VPS13B: variants seen among roughly 807,000 people sequenced by gnomAD.
VPS13B encodes intermembrane lipid transfer protein VPS13B.
Under a neutral mutation model 426.4 loss-of-function variants are expected in VPS13B, and 285 were observed. That is an observed-to-expected ratio of 0.67 (90% CI 0.61 to 0.74). VPS13B has a LOEUF of 0.74. VPS13B is among the 30% of genes least tolerant of loss of function. The probability of loss-of-function intolerance (pLI) is 0.00; values close to 1 mark genes in which losing one functional copy is unlikely to be tolerated. For missense variants in VPS13B, 4,537 were observed against 4,782.6 expected, an observed-to-expected ratio of 0.95 and a Z score of 1.51; for synonymous variants, 1,676 against 1,676.4, an observed-to-expected ratio of 1.00 and a Z score of 0.01.
chr8:99,530,903 T>G (rs1342255743), intron 30 of VPS13B, among the ~76,000 whole-genome samples: 1 of 152,164 alleles, frequency 6.6e-6, no homozygotes, highest in Non-Finnish European at 1.5e-5. Context: ...CCACTACATC[T>G]CGCTGCCTGT....
In VPS13B at chr8:99,853,967, C is replaced by A; in HGVS notation, c.10578C>A (p.Asn3526Lys). ...CTTTGTTTGACACCTACCTTCCTAA[C>A]AGCAGGTTGGCTGGTCACTCCACAC... ...IKTLFDTYLPNSRLAGHSTHL... is the reference protein window; with the variant it reads ...IKTLFDTYLPKSRLAGHSTHL... Residue 3526 changes from asparagine (N) to lysine (K), a missense_variant, in exon 56 of 62, where the codon AAC becomes AAA. By Grantham distance (94) the Asn-to-Lys change is moderately conservative (BLOSUM62 0). Around this residue, in one of 2 missense-constraint regions of VPS13B, gnomAD observed 4,311 missense variants for 4,474.3 expected, o/e 0.96. Coordinates refer to ENST00000357162, the MANE Select transcript of VPS13B (RefSeq NM_152564.5). The A allele has an allele frequency of 6.2e-7, 1 of 1,614,262 alleles. No individual in the cohort carries two copies. Among genetic ancestry groups the A allele is most frequent in the Non-Finnish European group, 8.5e-7 (1 of 1,180,046 alleles).
At chr8:99,784,526 A>G (rs1812166390) in intron 43 of VPS13B, 50 bp downstream of exon 43, 10 of 1,609,526 alleles carry the variant, frequency 6.2e-6, no homozygotes, top group African/African-American at 1.3e-5. Context: ...TTGGGGATTC[A>G]TTTCTTCTGC....
At chr8:99,256,462 G>A (rs927866550) in intron 17 of VPS13B, among the ~76,000 whole-genome samples, 2 of 152,076 alleles carry the variant, frequency 1.3e-5, no homozygotes, top group Non-Finnish European at 2.9e-5. Flanking sequence ...AATTTCTTGA[G>A]GAATCGCGAT....
rs568886382 is a variant in VPS13B at position 99,310,814 on chromosome 8, T to C, written c.2824+35560T>C. On this transcript the variant is annotated intron_variant, in intron 19 of 61. Transcript: ENST00000357162. ...AGAATTTGGCTGTGAATCCATTTGGTTGGTAGGCTATTAATTATTGCCTCA... is the reference window on the plus strand; with the variant it reads ...AGAATTTGGCTGTGAATCCATTTGGCTGGTAGGCTATTAATTATTGCCTCA... Among the ~76,000 whole-genome samples, 4 of 152,298 alleles carry C rather than the reference T, an allele frequency of 2.6e-5. No individual in the cohort carries two copies. In the South Asian group the frequency reaches 8.3e-4, roughly 32 times the overall value.
intron 40 of VPS13B, 147 bp downstream of exon 40, chr8:99,767,117 G>A: frequency 3.6e-6 from 3 of 822,262 alleles, no homozygotes; most frequent in South Asian, 3.2e-5. Flanking sequence ...CACAAAGAAA[G>A]ACAAAATCTG....
chr8:99,244,197 GT>G (rs1817079318), intron 17 of VPS13B, among the ~76,000 whole-genome samples: 2 of 152,252 alleles, frequency 1.3e-5, no homozygotes, highest in African/African-American at 4.8e-5. Flanking sequence ...CACTAAATAG[GT>G]TTACATTTGT....
In VPS13B at chr8:99,526,599, C is replaced by A. The variant is rs183756368; in HGVS notation, c.4745+5589C>A. ...ATAATTCAGTTATATATGGCCTAAA[C>A]AACTAGGAGGATGAAAATAACTGAA... On this transcript the variant is annotated intron_variant, in intron 30 of 61. Transcript: ENST00000357162. Among the ~76,000 whole-genome samples the A allele has an allele frequency of 1.5e-3, 227 of 152,200 alleles. 8 individuals are homozygous for A. Among genetic ancestry groups the A allele is most frequent in the Admixed American group, 0.014 (219 of 15,282 alleles).
At chr8:99,280,772 C>G (rs1233406670) in intron 19 of VPS13B, among the ~76,000 whole-genome samples, 1 of 152,104 alleles carries the variant, frequency 6.6e-6, no homozygotes, top group Non-Finnish European at 1.5e-5. Context: ...ATTTCCTGGT[C>G]TGATTTTATT....
At chr8:99,051,268 A>C (rs908148237) in intron 3 of VPS13B, among the ~76,000 whole-genome samples, 10 of 152,146 alleles carry the variant, frequency 6.6e-5, no homozygotes, top group Middle Eastern at 3.2e-3. Context: ...TTTTCCCAGC[A>C]CCATTTATTA....
chr8:99,349,332 CAAAAAAAAAA>C (rs35441676), intron 19 of VPS13B, among the ~76,000 whole-genome samples: 2 of 47,732 alleles, frequency 4.2e-5, no homozygotes, highest in Non-Finnish European at 6.8e-5. Flanking sequence ...GACTCCGTCT[CAAAAAAAAAA>C]AAAAAAAAAA....
intron 30 of VPS13B, among the ~76,000 whole-genome samples, chr8:99,524,646 T>G (rs942304356): frequency 3.3e-5 from 5 of 152,078 alleles, no homozygotes; most frequent in African/African-American, 1.2e-4. Context: ...ACTTAAAACT[T>G]AGTCAGGTGT....
At chr8:99,766,187 C>T (rs1287990843) in intron 39 of VPS13B, among the ~76,000 whole-genome samples, 2 of 142,162 alleles carry the variant, frequency 1.4e-5, no homozygotes, top group African/African-American at 5.3e-5. Context: ...TCAAGTAGTT[C>T]CCCTGCCTCA....
intron 3 of VPS13B, among the ~76,000 whole-genome samples, chr8:99,072,152 C>T (rs1376218481): frequency 1.3e-5 from 2 of 152,080 alleles, no homozygotes; most frequent in African/African-American, 4.8e-5. Context: ...AGGAGCCTCT[C>T]CTTGTGGCCA....
chr8:99,724,840 A>G (rs1833273110), intron 39 of VPS13B, among the ~76,000 whole-genome samples: 1 of 152,130 alleles, frequency 6.6e-6, no homozygotes, highest in Admixed American at 6.5e-5. Flanking sequence ...CCCTGAAGAA[A>G]ACCTTCAGTG....
At chr8:99,626,533 T>A (rs1331040228) in intron 33 of VPS13B, among the ~76,000 whole-genome samples, 1 of 152,220 alleles carries the variant, frequency 6.6e-6, no homozygotes, top group Non-Finnish European at 1.5e-5. Context: ...ATTGTAGTGA[T>A]GGTTGTATAA....
chr8:99,024,936 A>T (rs6989751), intron 2 of VPS13B, among the ~76,000 whole-genome samples: 1 of 151,994 alleles, frequency 6.6e-6, no homozygotes, highest in South Asian at 2.1e-4. Flanking sequence ...ATGTCTTTCT[A>T]ATTTCTTTGT....
chr8:99,318,171 A>G (rs940135737), intron 19 of VPS13B, among the ~76,000 whole-genome samples: 3 of 152,250 alleles, frequency 2.0e-5, no homozygotes, highest in African/African-American at 4.8e-5. Context: ...TTGAGTGTAT[A>G]TAAACAACCA....
rs199755508 is a variant in VPS13B at position 99,511,098 on chromosome 8, G to A, written c.4225-6G>A. ...TGTGTATTGTGATTTCCTTTTTTTG[G>A]AACAGACAACTACAAAACTTCTAGA... On this transcript the variant is annotated splice_region_variant and splice_polypyrimidine_tract_variant and intron_variant, in intron 28 of 61. Transcript: ENST00000357162. 3.3e-4 allele frequency: 524 copies of A among 1,610,990 alleles called. 2 individuals are homozygous for A. In the Middle Eastern group the frequency reaches 5.6e-3, roughly 17 times the overall value.
intron 39 of VPS13B, among the ~76,000 whole-genome samples, chr8:99,744,870 A>G (rs1166227371): frequency 4.6e-5 from 7 of 152,134 alleles, no homozygotes; most frequent in Non-Finnish European, 8.8e-5. Flanking sequence ...ACCCAATGTT[A>G]AATGACGAGT....
Sources: gnomAD v4.1 joint callset for allele counts (sites outside exome capture counted in the v4.1 genomes callset) on GRCh38, gnomAD v4.1.1 for gene constraint, gnomAD v4.1.1 regional missense constraint, MANE v1.5 for transcripts, NCBI Gene and HGNC (gene_info 2026-07-23, HGNC 2026-07-21) for gene names.